The following USP22 variants were observed in gnomAD, a reference collection of about 807,000 sequenced individuals.
USP22 encodes the protein ubiquitin specific peptidase 22, also known as ubiquitin carboxyl-terminal hydrolase 22.
USP22 carries 22 observed loss-of-function variants against 68.1 expected under a neutral mutation model. The ratio of observed to expected loss-of-function variants is 0.32; its 90% CI spans 0.23 to 0.46. The LOEUF (loss-of-function observed/expected upper bound fraction) is 0.46, where lower values mean the gene tolerates loss of function less well. Ranked by LOEUF, USP22 falls within the 20% of genes least tolerant of loss-of-function variation. USP22 has a pLI of 1.00. For missense variants in USP22, 433 were observed against 695.8 expected, an observed-to-expected ratio of 0.62 and a Z score of 4.25; for synonymous variants, 279 against 274.2, an observed-to-expected ratio of 1.02 and a Z score of -0.17.
chr17:21,042,457 A>G (rs1359863208), intron 1 of USP22, among the ~76,000 whole-genome samples: 1 of 124,526 alleles, frequency 8.0e-6, no homozygotes, highest in African/African-American at 3.3e-5. Flanking sequence ...TAGGAAGATG[A>G]GGAGATAAGG....
At chr17:21,036,030 C>CAAAAAAA (rs35324126) in intron 1 of USP22, among the ~76,000 whole-genome samples, 3 of 59,638 alleles carry the variant, frequency 5.0e-5, no homozygotes, top group African/African-American at 8.9e-5. Flanking sequence ...GACTCCGTCT[C>CAAAAAAA]AAAAAAAAAA....
intron 2 of USP22, among the ~76,000 whole-genome samples, chr17:21,024,148 C>T (rs977201933): frequency 6.6e-6 from 1 of 152,128 alleles, no homozygotes; most frequent in South Asian, 2.1e-4. Flanking sequence ...CAGCCATCAA[C>T]CTTTGCCACT....
intron 1 of USP22, among the ~76,000 whole-genome samples, chr17:21,030,127 A>G (rs1377786833): frequency 6.6e-6 from 1 of 152,250 alleles, no homozygotes; most frequent in Non-Finnish European, 1.5e-5. Flanking sequence ...TCCCTGATAC[A>G]AAATGTACTT....
chr17:21,023,018 C>T (rs573606409), intron 2 of USP22, among the ~76,000 whole-genome samples: 34 of 152,288 alleles, frequency 2.2e-4, no homozygotes, highest in Admixed American at 1.0e-3. Context: ...GAGATCATGT[C>T]GTTTGCAGGA....
At chr17:21,004,545 G>C in intron 11 of USP22, among the ~76,000 whole-genome samples, 194 bp from the exon 12 acceptor site, 1 of 152,282 alleles carries the variant, frequency 6.6e-6, no homozygotes, top group East Asian at 1.9e-4. Context: ...GCTCTAGCCC[G>C]GGTCCAGGCG....
Position 21,002,927 on chromosome 17 carries a change from C to A in USP22, c.*104G>T. The A allele has an allele frequency of 1.5e-6, 2 of 1,335,488 alleles. No individual in the cohort carries two copies. The highest frequency in any genetic ancestry group is 1.0e-6 in the Non-Finnish European group (1 of 965,990). The allele number at this position is 1,335,488 out of a possible 1,614,324, so 82.7% of individuals were successfully genotyped here. A position where few individuals can be genotyped will look rare whatever the true frequency, so the allele number is the denominator to read the frequency against. ...TGCATGGGAGGTGGTGTCACCAGGC[C>A]GGGGAGGCGGCGGGAGACTTGGGGG... On this transcript the variant is annotated 3_prime_UTR_variant, in exon 13 of 13. Transcript: ENST00000261497.
intron 1 of USP22, among the ~76,000 whole-genome samples, chr17:21,041,893 G>A (rs1476401454): frequency 2.0e-5 from 3 of 152,220 alleles, no homozygotes; most frequent in African/African-American, 7.2e-5. Context: ...CCCACGGCGC[G>A]CTTCCAAGTC....
chr17:21,030,359 T>G (rs1389255980), intron 1 of USP22, among the ~76,000 whole-genome samples: 1 of 144,854 alleles, frequency 6.9e-6, no homozygotes, highest in East Asian at 2.0e-4. Flanking sequence ...GAGGTGGAAC[T>G]CAGGCCGCTT....
At chr17:21,028,261 G>A (rs1275106252) in intron 2 of USP22, among the ~76,000 whole-genome samples, 2 of 152,152 alleles carry the variant, frequency 1.3e-5, no homozygotes, top group Non-Finnish European at 1.5e-5. Context: ...AGGGTCTGAC[G>A]TTTCATTAGC....
At chr17:21,034,579 G>A (rs764770306) in intron 1 of USP22, among the ~76,000 whole-genome samples, 3 of 152,098 alleles carry the variant, frequency 2.0e-5, no homozygotes, top group Non-Finnish European at 4.4e-5. Context: ...GTGACATCCC[G>A]CTCTGTCCCA....
chr17:21,005,733 G>A (rs954180923), intron 10 of USP22, among the ~76,000 whole-genome samples: 1 of 152,208 alleles, frequency 6.6e-6, no homozygotes, highest in African/African-American at 2.4e-5. Flanking sequence ...GCTTTCCACG[G>A]TGCTGGGGCT....
At chr17:21,031,313 T>C (rs979180354) in intron 1 of USP22, among the ~76,000 whole-genome samples, 4 of 152,234 alleles carry the variant, frequency 2.6e-5, no homozygotes, top group African/African-American at 9.6e-5. Flanking sequence ...TACAGTTAAT[T>C]GAGTAAAGTA....
chr17:21,008,247 C>G (rs1042131888), intron 8 of USP22, among the ~76,000 whole-genome samples: 1 of 152,004 alleles, frequency 6.6e-6, no homozygotes, highest in Non-Finnish European at 1.5e-5. Context: ...TTCTAAGTAC[C>G]ATATGACCCA....
chr17:21,018,941 G>C, intron 4 of USP22, 143 bp downstream of exon 4: 1 of 807,002 alleles, frequency 1.2e-6, no homozygotes, highest in Non-Finnish European at 2.0e-6. Context: ...AGGTGCTCAA[G>C]AGCTGGTTGC....
At chr17:21,021,926 C>A (rs531335322) in intron 2 of USP22, among the ~76,000 whole-genome samples, 1 of 152,056 alleles carries the variant, frequency 6.6e-6, no homozygotes, top group South Asian at 2.1e-4. Flanking sequence ...ATGGTGAAAC[C>A]CCATCTCTAC....
At position 21,001,512 on chromosome 17, in the gene USP22, G is replaced by A. The variant is rs189344461; in HGVS notation, c.*1519C>T. ...CAATATATGTCATTCAGATTTCTGT[G>A]TCTAAAAGTTGTACTAGACACAGCC... On this transcript the variant is annotated 3_prime_UTR_variant, in exon 13 of 13. Coordinates refer to ENST00000261497, the MANE Select transcript of USP22 (RefSeq NM_015276.2). 2 of 152,282 alleles carry A rather than the reference G, an allele frequency of 1.3e-5. No individual in the cohort carries two copies. Among genetic ancestry groups the A allele is most frequent in the East Asian group, 3.9e-4 (2 of 5,188 alleles). 9.4% of individuals were successfully genotyped at this position (152,282 alleles called of 1,614,324 possible).
At chr17:21,028,846 A>G (rs2291038) in intron 1 of USP22, among the ~76,000 whole-genome samples, 172 bp from the exon 2 acceptor site, 1 of 152,144 alleles carries the variant, frequency 6.6e-6, no homozygotes, top group East Asian at 1.9e-4. Context: ...AGTTCCCCCA[A>G]ACAGGACTTC....
chr17:21,003,101 TC>T (rs1567788690), intron 12 of USP22, 28 bp from the exon 13 acceptor site: 1 of 1,613,212 alleles, frequency 6.2e-7, no homozygotes, highest in African/African-American at 1.3e-5. Flanking sequence ...GGGAGGAGGC[TC>T]ACCTCTAACT....
intron 3 of USP22, among the ~76,000 whole-genome samples, chr17:21,020,365 T>C (rs1490612207): frequency 6.6e-6 from 1 of 151,844 alleles, no homozygotes; most frequent in Non-Finnish European, 1.5e-5. Flanking sequence ...AACCAGTGTG[T>C]GTGGCCACAC....
Sources: gnomAD v4.1 joint callset for allele counts (sites outside exome capture counted in the v4.1 genomes callset) on GRCh38, gnomAD v4.1.1 for gene constraint, MANE v1.5 for transcripts, NCBI Gene and HGNC (gene_info 2026-07-23, HGNC 2026-07-21) for gene names.